ZNG1A: variants seen among roughly 807,000 people sequenced by gnomAD.
The protein encoded by ZNG1A is zinc-regulated GTPase metalloprotein activator 1A.
At chr9:156,808 C>T in the ZNG1A span, among the ~76,000 whole-genome samples, 1 of 151,796 alleles carries the variant, frequency 6.6e-6, no homozygotes, top group Non-Finnish European at 1.5e-5. Context: ...AAAGGAAAAC[C>T]CCTTTGATTC....
the ZNG1A span, among the ~76,000 whole-genome samples, chr9:138,369 C>T: frequency 7.4e-6 from 1 of 135,942 alleles, no homozygotes; most frequent in Admixed American, 7.8e-5. Flanking sequence ...CTGAAATAAT[C>T]TCAATCAATT....
the ZNG1A span, among the ~76,000 whole-genome samples, chr9:140,605 G>A: frequency 9.5e-5 from 14 of 147,246 alleles, no homozygotes; most frequent in African/African-American, 1.8e-4. Context: ...AAAGCAGAGC[G>A]CCTCTCCTCC....
chr9:161,541 C>G, the ZNG1A span: 7 of 1,280,632 alleles, frequency 5.5e-6, no homozygotes, highest in East Asian at 1.7e-4. Flanking sequence ...TTTTTAAACA[C>G]TGAATTTAAA....
chr9:145,545 T>C, the ZNG1A span, among the ~76,000 whole-genome samples: 3 of 94,660 alleles, frequency 3.2e-5, no homozygotes, highest in Non-Finnish European at 5.9e-5. Context: ...CTGGGGACTG[T>C]TGTGGGGTGG....
chr9:171,664 G>A, the ZNG1A span: 1 of 231,310 alleles, frequency 4.3e-6, no homozygotes, highest in Admixed American at 5.2e-5. Flanking sequence ...TAGCTTATAG[G>A]CAAATACTAC....
chr9:125,310 A>C, the ZNG1A span, among the ~76,000 whole-genome samples: 1 of 149,378 alleles, frequency 6.7e-6, no homozygotes, highest in Non-Finnish European at 1.5e-5. Context: ...ATCATTAGTG[A>C]TGTTGAGCAT....
the ZNG1A span, chr9:171,705 T>C: frequency 3.7e-6 from 1 of 268,902 alleles, no homozygotes; most frequent in Admixed American, 5.0e-5. Context: ...TGAACATTAA[T>C]AGATTTTGGT....
At chr9:150,560 T>G in the ZNG1A span, 1 of 983,380 alleles carries the variant, frequency 1.0e-6, no homozygotes, top group Middle Eastern at 5.2e-4. Flanking sequence ...AAAAGGATTC[T>G]AATGCAACTT....
the ZNG1A span, among the ~76,000 whole-genome samples, chr9:155,847 G>A: frequency 1.3e-5 from 2 of 150,264 alleles, no homozygotes; most frequent in African/African-American, 2.5e-5. Context: ...ATTCATGCCT[G>A]TAATCCCAGC....
the ZNG1A span, chr9:165,958 AG>A: frequency 5.6e-5 from 8 of 142,246 alleles, no homozygotes; most frequent in Non-Finnish European, 1.1e-4. Flanking sequence ...GTAGGGAAAT[AG>A]TTTACAAAAT....
At chr9:177,767 A>T in the ZNG1A span, 1 of 1,538,892 alleles carries the variant, frequency 6.5e-7, no homozygotes, top group Non-Finnish European at 8.8e-7. Context: ...TTTGAAATAC[A>T]TTGTTTTGGA....
chr9:140,393 G>C, the ZNG1A span, among the ~76,000 whole-genome samples: 2 of 151,292 alleles, frequency 1.3e-5, no homozygotes, highest in Non-Finnish European at 2.9e-5. Context: ...GCACCCCCTA[G>C]CAGAGGCAGG....
the ZNG1A span, chr9:153,883 T>C: frequency 6.6e-6 from 1 of 152,016 alleles, no homozygotes; most frequent in South Asian, 2.1e-4. Flanking sequence ...GCTCAAAGCA[T>C]TGTACACATT....
the ZNG1A span, among the ~76,000 whole-genome samples, chr9:174,046 C>A: frequency 9.9e-5 from 15 of 151,540 alleles, no homozygotes; most frequent in African/African-American, 3.6e-4. Context: ...ACTCAGGCGG[C>A]TGAGGCAGGA....
chr9:159,610 A>G, the ZNG1A span, among the ~76,000 whole-genome samples: 142 of 152,042 alleles, frequency 9.3e-4, 2 homozygotes, highest in African/African-American at 3.4e-3. Context: ...TCTCTGAAAT[A>G]ACACCACTGT....
chr9:172,047 C>A, the ZNG1A span: 88 of 1,608,842 alleles, frequency 5.5e-5, 1 homozygote, highest in Middle Eastern at 2.2e-4. Flanking sequence ...TATCACAGAA[C>A]TATATTCTGG....
At chr9:166,992 G>A in the ZNG1A span, 1 of 151,616 alleles carries the variant, frequency 6.6e-6, no homozygotes, top group African/African-American at 2.4e-5. Flanking sequence ...AAGAACTAAG[G>A]GCATACTATA....
chr9:135,161 T>C, the ZNG1A span: 1 of 1,516,786 alleles, frequency 6.6e-7, no homozygotes, highest in Non-Finnish European at 8.9e-7. Flanking sequence ...ATTGCAATTT[T>C]ACAAGTTGTT....
chr9:150,125 T>TG, the ZNG1A span: 1 of 120,132 alleles, frequency 8.3e-6, no homozygotes, highest in African/African-American at 3.3e-5. Flanking sequence ...GGTTTTGTTT[T>TG]TTTTTTTTTT....
Sources: allele counts gnomAD v4.1 joint callset (sites outside exome capture counted in the v4.1 genomes callset), GRCh38; gene constraint gnomAD v4.1.1; transcripts MANE v1.5; gene names NCBI Gene and HGNC (gene_info 2026-07-23, HGNC 2026-07-21).